UMAD1: variants seen among roughly 807,000 people sequenced by gnomAD.
The protein encoded by UMAD1 is UBAP1-MVB12-associated (UMA)-domain containing protein 1.
In UMAD1, 8 loss-of-function variants were observed where a neutral mutation model predicts 6.1. The ratio of observed to expected loss-of-function variants is 1.30; its 90% CI spans 0.76 to 2.35. UMAD1 has a LOEUF of 2.35. Among genes scored for constraint, UMAD1 ranks in the 30% most tolerant of loss-of-function variants. The pLI is 0.00. For missense variants in UMAD1, 130 were observed against 78.4 expected (o/e 1.66, Z -2.49); for synonymous variants, 56 against 31.4 (o/e 1.78, Z -2.61).
chr7:7,711,887 T>C (rs944956910), intron 2 of UMAD1, among the ~76,000 whole-genome samples: 4 of 152,202 alleles, frequency 2.6e-5, no homozygotes, highest in Admixed American at 2.0e-4. Flanking sequence ...GAAAGTCATC[T>C]TCCTATAGCA....
In UMAD1 at chr7:7,731,185, G is replaced by C. The variant is rs554302449; in HGVS notation, c.82+57732G>C. Among the ~76,000 whole-genome samples the C allele has an allele frequency of 2.6e-5, 4 of 151,740 alleles. No homozygotes were observed. The South Asian group carries it at 8.3e-4, about 31-fold the overall frequency. On this transcript the variant is annotated intron_variant, in intron 2 of 3. Coordinates refer to ENST00000682710, the MANE Select transcript of UMAD1 (RefSeq NM_001302348.2). Reference sequence around the variant, plus strand: ...AGCTAATTTTTGTATTTTCAGTAGAGAGGGGGGGGTTCCACCATGTTGGCC... The same window carrying C: ...AGCTAATTTTTGTATTTTCAGTAGACAGGGGGGGGTTCCACCATGTTGGCC...
chr7:7,713,182 C>CAA lies in UMAD1; in HGVS notation c.82+39740_82+39741dup, dbSNP rs768521316. Among the ~76,000 whole-genome samples the CAA allele has an allele frequency of 2.8e-5, 4 of 143,910 alleles. No homozygotes were observed. The South Asian group carries it at 6.6e-4, about 24-fold the overall frequency. The allele number at this position is 143,910 out of a possible 152,430, so 94.4% of individuals were successfully genotyped here. ...TGAAACCCTGTTTCTACTAAAAATA[C>CAA]AAAAAAAAAAAATTAGCTGGGCATG... On this transcript the variant is annotated intron_variant, in intron 2 of 3. Transcript: ENST00000682710.
chr7:7,767,405 G>A (rs1308251377), intron 2 of UMAD1, among the ~76,000 whole-genome samples: 9 of 152,152 alleles, frequency 5.9e-5, no homozygotes, highest in African/African-American at 1.4e-4. Flanking sequence ...GATTACAGGC[G>A]TGAGCCACCG....
At chr7:7,673,217 T>C in intron 1 of UMAD1, 92 bp from the exon 2 acceptor site, 2 of 814,772 alleles carry the variant, frequency 2.5e-6, no homozygotes, top group South Asian at 1.4e-5. Flanking sequence ...AGAGTAACTA[T>C]TGTTATATCG....
intron 3 of UMAD1, among the ~76,000 whole-genome samples, chr7:7,870,213 T>A (rs1213351995): frequency 6.6e-6 from 1 of 152,176 alleles, no homozygotes; most frequent in East Asian, 1.9e-4. Context: ...ATAAGAATAT[T>A]AACTTTCTTT....
At chr7:7,684,160 G>C (rs1412455223) in intron 2 of UMAD1, among the ~76,000 whole-genome samples, 1 of 151,744 alleles carries the variant, frequency 6.6e-6, no homozygotes, top group Non-Finnish European at 1.5e-5. Flanking sequence ...ATTGTTTGAG[G>C]AATAATGACA....
intron 2 of UMAD1, among the ~76,000 whole-genome samples, chr7:7,691,787 T>A (rs1780178126): frequency 6.6e-6 from 1 of 152,254 alleles, no homozygotes; most frequent in South Asian, 2.1e-4. Flanking sequence ...TGAAGTGTTT[T>A]CTGATACATG....
intron 3 of UMAD1, among the ~76,000 whole-genome samples, chr7:7,833,343 A>G (rs1455059932): frequency 6.6e-6 from 1 of 152,164 alleles, no homozygotes; most frequent in Non-Finnish European, 1.5e-5. Flanking sequence ...GAGTTACTAC[A>G]CACATGAGGC....
intron 3 of UMAD1, among the ~76,000 whole-genome samples, chr7:7,865,703 T>C (rs921004511): frequency 1.3e-5 from 2 of 152,140 alleles, no homozygotes; most frequent in Non-Finnish European, 2.9e-5. Context: ...ATGTCCATTG[T>C]CCCCAAGCAT....
chr7:7,752,296 G>C (rs775932870), intron 2 of UMAD1, among the ~76,000 whole-genome samples: 1 of 152,104 alleles, frequency 6.6e-6, no homozygotes, highest in African/African-American at 2.4e-5. Context: ...TGAAAACTTA[G>C]TTAATAAAAA....
chr7:7,662,949 T>G (rs1785511244), intron 1 of UMAD1, among the ~76,000 whole-genome samples: 1 of 152,200 alleles, frequency 6.6e-6, no homozygotes, highest in Non-Finnish European at 1.5e-5. Context: ...GTTTTAGATG[T>G]GAAATTAAAA....
chr7:7,846,843 G>A (rs1478734225), intron 3 of UMAD1, among the ~76,000 whole-genome samples: 2 of 141,352 alleles, frequency 1.4e-5, no homozygotes, highest in East Asian at 4.1e-4. Flanking sequence ...ACTCATAGGT[G>A]GGAATTGAAC....
intron 3 of UMAD1, among the ~76,000 whole-genome samples, chr7:7,832,505 T>G (rs975491114): frequency 6.6e-6 from 1 of 152,132 alleles, no homozygotes; most frequent in Non-Finnish European, 1.5e-5. Context: ...TACGGAAAAG[T>G]AGGAAGAAAA....
At chr7:7,733,772 A>C (rs545751023) in intron 2 of UMAD1, among the ~76,000 whole-genome samples, 123 of 151,708 alleles carry the variant, frequency 8.1e-4, no homozygotes, top group African/African-American at 2.8e-3. Context: ...AAAATAGTCC[A>C]TTTGTATTAG....
chr7:7,796,827 A>C (rs1273656350), intron 2 of UMAD1, among the ~76,000 whole-genome samples: 3 of 152,080 alleles, frequency 2.0e-5, no homozygotes, highest in African/African-American at 7.2e-5. Flanking sequence ...ATTTTCAACC[A>C]ATCAGTGGTC....
At chr7:7,741,407 T>C (rs1781461385) in intron 2 of UMAD1, among the ~76,000 whole-genome samples, 1 of 151,554 alleles carries the variant, frequency 6.6e-6, no homozygotes, top group Non-Finnish European at 1.5e-5. Context: ...CCATCTCTAC[T>C]GAAAATACAA....
intron 2 of UMAD1, among the ~76,000 whole-genome samples, chr7:7,690,080 C>G (rs2108003): frequency 0.58 from 87,409 of 151,910 alleles, 25,384 homozygotes; most frequent in East Asian, 0.8. Flanking sequence ...TTTTCCCACC[C>G]ATTTGATTTT....
At chr7:7,719,837 T>G (rs374827720) in intron 2 of UMAD1, among the ~76,000 whole-genome samples, 1 of 152,246 alleles carries the variant, frequency 6.6e-6, no homozygotes, top group Non-Finnish European at 1.5e-5. Flanking sequence ...TTGTCTAGAC[T>G]ATTTAATTCT....
At chr7:7,651,797 C>A (rs1261098602) in intron 1 of UMAD1, among the ~76,000 whole-genome samples, 4 of 152,182 alleles carry the variant, frequency 2.6e-5, no homozygotes, top group African/African-American at 9.7e-5. Context: ...TTTAAAAGGT[C>A]TGTGAGTGAG....
Sources: allele counts gnomAD v4.1 joint callset (sites outside exome capture counted in the v4.1 genomes callset), GRCh38; gene constraint gnomAD v4.1.1; transcripts MANE v1.5; gene names NCBI Gene and HGNC (gene_info 2026-07-23, HGNC 2026-07-21).